Variants in NOL4 observed in about 807,000 individuals in gnomAD.
NOL4 encodes nucleolar protein 4, also known as cancer/testis antigen 125.
NOL4 carries 17 observed loss-of-function variants against 75.9 expected under a neutral mutation model. That is an observed-to-expected ratio of 0.22 (90% CI 0.15 to 0.34). The LOEUF is 0.34. Among genes scored for constraint, NOL4 ranks in the 10% least tolerant of loss-of-function variants. The pLI is 1.00. For missense variants in NOL4, 614 were observed against 793.5 expected (o/e 0.77, Z 2.72); for synonymous variants, 292 against 289.9 (o/e 1.01, Z -0.07).
intron 9 of NOL4, among the ~76,000 whole-genome samples, chr18:33,942,297 T>C (rs1855763418): frequency 2.6e-5 from 4 of 151,864 alleles, no homozygotes; most frequent in African/African-American, 9.7e-5. Flanking sequence ...ATGCAGAATA[T>C]TTAGTATATC....
intron 5 of NOL4, among the ~76,000 whole-genome samples, chr18:34,036,180 T>C (rs1229624214): frequency 1.2e-4 from 18 of 152,040 alleles, no homozygotes; most frequent in Admixed American, 1.2e-3. Flanking sequence ...ATAGTGAAAC[T>C]ACAGGCCAAT....
chr18:34,223,021 T>C lies in NOL4; in HGVS notation c.233A>G (p.Lys78Arg), dbSNP rs757753106. The C allele has an allele frequency of 6.8e-6, 11 of 1,610,374 alleles. No individual in the cohort carries two copies. Among genetic ancestry groups the C allele is most frequent in the Non-Finnish European group, 8.5e-6 (10 of 1,179,660 alleles). Residue 78 changes from lysine to arginine, a missense_variant, in exon 1 of 11, where the codon AAG (lysine) becomes AGG (arginine). Coordinates refer to ENST00000261592, the MANE Select transcript of NOL4 (RefSeq NM_003787.5). The part of the protein sequence containing the change: ...DEVRGGGGGA[K>R]QVLYVPVKTT... Reference sequence around the variant, plus strand: ...CTTGACAGGCACGTAGAGCACTTGCTTGGCGCCGCCGCCTCCCCCGCGGAC... The same window carrying C: ...CTTGACAGGCACGTAGAGCACTTGCCTGGCGCCGCCGCCTCCCCCGCGGAC...
chr18:34,206,281 G>T (rs1421997748), intron 1 of NOL4, among the ~76,000 whole-genome samples: 1 of 152,028 alleles, frequency 6.6e-6, no homozygotes, highest in African/African-American at 2.4e-5. Flanking sequence ...ATACAATGCT[G>T]TATTTTTTCA....
chr18:34,155,460 A>G (rs1166822289), intron 1 of NOL4, among the ~76,000 whole-genome samples: 3 of 152,028 alleles, frequency 2.0e-5, no homozygotes, highest in Non-Finnish European at 2.9e-5. Context: ...AGGGGGATAT[A>G]TTCTGAGAAA....
intron 1 of NOL4, among the ~76,000 whole-genome samples, chr18:34,218,033 T>C (rs1461459919): frequency 6.6e-6 from 1 of 151,058 alleles, no homozygotes; most frequent in African/African-American, 2.4e-5. Flanking sequence ...TCTTGTTATA[T>C]AAAGATTGTA....
chr18:34,078,339 GT>G (rs2077840931), intron 5 of NOL4, among the ~76,000 whole-genome samples: 1 of 152,068 alleles, frequency 6.6e-6, no homozygotes, highest in South Asian at 2.1e-4. Context: ...TTAAGTAATT[GT>G]TATTGAAGGA....
intron 5 of NOL4, among the ~76,000 whole-genome samples, chr18:34,082,668 T>C (rs1301466512): frequency 6.6e-6 from 1 of 152,158 alleles, no homozygotes; most frequent in Non-Finnish European, 1.5e-5. Flanking sequence ...GAGACCACTT[T>C]AGAACCCCAC....
At chr18:34,062,549 T>C (rs1256956909) in intron 5 of NOL4, among the ~76,000 whole-genome samples, 2 of 152,140 alleles carry the variant, frequency 1.3e-5, no homozygotes, top group Non-Finnish European at 2.9e-5. Flanking sequence ...CAATAATGCC[T>C]GCCATTTCCA....
chr18:34,011,992 CT>C (rs925234890), intron 6 of NOL4, among the ~76,000 whole-genome samples: 4 of 151,908 alleles, frequency 2.6e-5, no homozygotes, highest in African/African-American at 4.8e-5. Flanking sequence ...ATAGAAGCCC[CT>C]CACCTTCTTC....
At chr18:34,095,409 A>G (rs934760886) in intron 4 of NOL4, among the ~76,000 whole-genome samples, 3 of 152,066 alleles carry the variant, frequency 2.0e-5, no homozygotes, top group Non-Finnish European at 4.4e-5. Context: ...GATGATACAG[A>G]TATCTATTAG....
chr18:34,193,348 C>T (rs1368913570), intron 1 of NOL4, among the ~76,000 whole-genome samples: 1 of 151,978 alleles, frequency 6.6e-6, no homozygotes, highest in East Asian at 1.9e-4. Flanking sequence ...AAAATATTTG[C>T]AAACCATGCA....
At chr18:34,213,971 C>A (rs988065626) in intron 1 of NOL4, among the ~76,000 whole-genome samples, 1 of 152,112 alleles carries the variant, frequency 6.6e-6, no homozygotes, top group Non-Finnish European at 1.5e-5. Flanking sequence ...ATATAGAATT[C>A]TCCACTTGAG....
chr18:34,133,067 G>T (rs2080729704), intron 1 of NOL4, among the ~76,000 whole-genome samples: 2 of 152,070 alleles, frequency 1.3e-5, no homozygotes, highest in South Asian at 4.1e-4. Context: ...GAGGTCAGGA[G>T]TTCGAGACCA....
At chr18:33,880,662 T>G (rs1021119707) in intron 10 of NOL4, among the ~76,000 whole-genome samples, 1 of 152,086 alleles carries the variant, frequency 6.6e-6, no homozygotes, top group South Asian at 2.1e-4. Flanking sequence ...TTCTTAGTTA[T>G]GACTGTGTAT....
At chr18:34,160,245 GA>G (rs1262480963) in intron 1 of NOL4, among the ~76,000 whole-genome samples, 2 of 152,072 alleles carry the variant, frequency 1.3e-5, no homozygotes, top group Non-Finnish European at 2.9e-5. Flanking sequence ...TTGAAAAAAT[GA>G]AAATTTTTGA....
intron 2 of NOL4, among the ~76,000 whole-genome samples, chr18:34,123,808 T>C (rs9958146): frequency 0.019 from 2,865 of 151,140 alleles, 92 homozygotes; most frequent in African/African-American, 0.066. Context: ...TATATTTATA[T>C]AGAGAGACAT....
intron 10 of NOL4, among the ~76,000 whole-genome samples, chr18:33,864,522 G>T (rs564504306): frequency 5.3e-5 from 8 of 151,968 alleles, no homozygotes; most frequent in African/African-American, 1.9e-4. Flanking sequence ...TATCCACATC[G>T]TTATCAGCAT....
At chr18:34,033,075 A>G (rs1027471962) in intron 5 of NOL4, among the ~76,000 whole-genome samples, 1 of 152,210 alleles carries the variant, frequency 6.6e-6, no homozygotes, top group Non-Finnish European at 1.5e-5. Flanking sequence ...GATGAAAGCA[A>G]ATTCAGAAAT....
chr18:33,899,020 C>T (rs2065590814), intron 9 of NOL4, among the ~76,000 whole-genome samples: 1 of 152,078 alleles, frequency 6.6e-6, no homozygotes, highest in Admixed American at 6.6e-5. Flanking sequence ...AATACTTTTG[C>T]TTATCTGTGA....
Sources: allele counts gnomAD v4.1 joint callset (sites outside exome capture counted in the v4.1 genomes callset), GRCh38; gene constraint gnomAD v4.1.1; transcripts MANE v1.5; gene names NCBI Gene and HGNC (gene_info 2026-07-23, HGNC 2026-07-21).